Variants in DIS3L2 observed in about 807,000 individuals in gnomAD.
DIS3L2 encodes DIS3-like exonuclease 2.
DIS3L2 carries 34 observed loss-of-function variants against 97.5 expected under a neutral mutation model. The observed-to-expected ratio is 0.35, with a 90% CI of 0.27 to 0.46. DIS3L2 has a LOEUF of 0.46. Ranked by LOEUF, DIS3L2 falls within the 20% of genes least tolerant of loss-of-function variation. The probability of loss-of-function intolerance (pLI) is 1.00; values close to 1 mark genes in which losing one functional copy is unlikely to be tolerated. For synonymous variants in DIS3L2, 435 were observed against 445.2 expected (o/e 0.98, Z 0.29); for missense variants, 1,038 against 1,146.0 (o/e 0.91, Z 1.36).
At chr2:232,262,690 A>C (rs1243359787) in intron 12 of DIS3L2, among the ~76,000 whole-genome samples, 1 of 152,178 alleles carries the variant, frequency 6.6e-6, no homozygotes, top group Non-Finnish European at 1.5e-5. Flanking sequence ...CTGTCTCTAC[A>C]TATGTGCCCC....
At chr2:232,219,182 A>C (rs191584921) in intron 10 of DIS3L2, among the ~76,000 whole-genome samples, 3 of 152,326 alleles carry the variant, frequency 2.0e-5, no homozygotes, top group Admixed American at 1.3e-4. Context: ...TTCTCCTACC[A>C]GCAAGTATTC....
intron 1 of DIS3L2, among the ~76,000 whole-genome samples, chr2:231,990,986 A>G (rs1489053036): frequency 6.7e-6 from 1 of 149,342 alleles, no homozygotes; most frequent in South Asian, 2.1e-4. Flanking sequence ...TTTTTTTTTG[A>G]GCTCTGCCTC....
intron 3 of DIS3L2, among the ~76,000 whole-genome samples, chr2:232,022,681 C>G (rs886422846): frequency 1.3e-5 from 2 of 152,206 alleles, no homozygotes; most frequent in African/African-American, 2.4e-5. Flanking sequence ...GAGTCTCTTC[C>G]CCTCACGAGA....
chr2:232,210,641 G>A (rs1210253753), intron 10 of DIS3L2, among the ~76,000 whole-genome samples: 1 of 152,208 alleles, frequency 6.6e-6, no homozygotes, highest in Non-Finnish European at 1.5e-5. Flanking sequence ...CTCTTCTTGG[G>A]CTTCAGAAGG....
chr2:232,212,027 AT>A (rs1692205093), intron 10 of DIS3L2, among the ~76,000 whole-genome samples: 1 of 152,298 alleles, frequency 6.6e-6, no homozygotes, highest in South Asian at 2.1e-4. Context: ...CTGAGCCTCA[AT>A]ATTTTCAACT....
chr2:232,008,461 T>G (rs1031453125), intron 1 of DIS3L2, among the ~76,000 whole-genome samples: 9 of 152,192 alleles, frequency 5.9e-5, no homozygotes, highest in Non-Finnish European at 1.2e-4. Flanking sequence ...TCTCTTTCAT[T>G]TCTATTCTTT....
chr2:232,050,365 G>A (rs1452157813), intron 5 of DIS3L2, among the ~76,000 whole-genome samples: 1 of 152,006 alleles, frequency 6.6e-6, no homozygotes, highest in Admixed American at 6.6e-5. Flanking sequence ...TCTGCCTTCC[G>A]GGTTCAAGTG....
chr2:232,258,725 C>T (rs1033124078), intron 12 of DIS3L2, among the ~76,000 whole-genome samples: 2 of 152,122 alleles, frequency 1.3e-5, no homozygotes, highest in Admixed American at 6.5e-5. Context: ...TGTCTTCTGC[C>T]ACTGGCTTTG....
At chr2:232,193,843 A>C (rs1452676201) in intron 9 of DIS3L2, among the ~76,000 whole-genome samples, 1 of 152,170 alleles carries the variant, frequency 6.6e-6, no homozygotes, top group Admixed American at 6.5e-5. Flanking sequence ...TAAAGATTCA[A>C]TTCACGGCGA....
intron 14 of DIS3L2, among the ~76,000 whole-genome samples, chr2:232,309,595 C>G (rs1322872058): frequency 6.6e-6 from 1 of 151,900 alleles, no homozygotes; most frequent in Non-Finnish European, 1.5e-5. Flanking sequence ...CCTCCCACCT[C>G]AGCACCCCCA....
intron 5 of DIS3L2, among the ~76,000 whole-genome samples, chr2:232,066,758 A>G (rs11683433): frequency 0.011 from 1,718 of 152,100 alleles, 19 homozygotes; most frequent in Non-Finnish European, 0.016. Flanking sequence ...ATAGAGTGTG[A>G]TGGTTTTAAA....
chr2:232,163,663 A>G (rs780042922), intron 9 of DIS3L2, 31 bp downstream of exon 9: 4 of 1,601,566 alleles, frequency 2.5e-6, no homozygotes, highest in East Asian at 2.2e-5. Flanking sequence ...AAGAACGTAT[A>G]TCTCCCTTTC....
At chr2:232,208,831 C>T (rs1692105322) in intron 9 of DIS3L2, among the ~76,000 whole-genome samples, 1 of 152,008 alleles carries the variant, frequency 6.6e-6, no homozygotes, top group Non-Finnish European at 1.5e-5. Context: ...AGTTTGAGAT[C>T]AGCCTGGGGA....
intron 6 of DIS3L2, among the ~76,000 whole-genome samples, chr2:232,089,215 G>T (rs1295922147): frequency 6.6e-6 from 1 of 152,186 alleles, no homozygotes; most frequent in Non-Finnish European, 1.5e-5. Flanking sequence ...CATTCAGAAT[G>T]ACTTTCCAAC....
intron 5 of DIS3L2, among the ~76,000 whole-genome samples, chr2:232,059,162 T>C (rs1695632160): frequency 6.6e-6 from 1 of 152,222 alleles, no homozygotes; most frequent in African/African-American, 2.4e-5. Context: ...CTGCCCAGGA[T>C]AATTTTCAGA....
intron 5 of DIS3L2, among the ~76,000 whole-genome samples, chr2:232,086,663 G>GTATATATA (rs1559613663): frequency 6.1e-5 from 2 of 32,694 alleles, no homozygotes; most frequent in Non-Finnish European, 1.4e-4. Flanking sequence ...ATATATATGT[G>GTATATATA]TGTGTGTGTG....
In DIS3L2 at chr2:232,329,472, C is replaced by T. The variant is rs1402789693; in HGVS notation, c.1740-341C>T. ...AGCAGAGATCTTTCCTCGGTGCCTTCTCTGGATTGGGTGGGCTGCTGAGCT... is the reference window on the plus strand; with the variant it reads ...AGCAGAGATCTTTCCTCGGTGCCTTTTCTGGATTGGGTGGGCTGCTGAGCT... On this transcript the variant is annotated intron_variant, in intron 14 of 20. Coordinates refer to ENST00000325385, the MANE Select transcript of DIS3L2 (RefSeq NM_152383.5). The T allele has an allele frequency of 2.9e-5, 8 of 273,276 alleles. No homozygotes were observed. In the East Asian group the frequency reaches 5.0e-4, roughly 17 times the overall value. The allele number at this position is 273,276 out of a possible 1,614,324, so 16.9% of individuals were successfully genotyped here. A position where few individuals can be genotyped will look rare whatever the true frequency, so the allele number is the denominator to read the frequency against.
chr2:232,205,582 A>G (rs1349817019), intron 9 of DIS3L2, among the ~76,000 whole-genome samples: 1 of 152,068 alleles, frequency 6.6e-6, no homozygotes, highest in Non-Finnish European at 1.5e-5. Flanking sequence ...AATTACAGCC[A>G]TGAGCCACCG....
At chr2:232,117,785 G>A (rs1697773410) in intron 6 of DIS3L2, among the ~76,000 whole-genome samples, 1 of 152,156 alleles carries the variant, frequency 6.6e-6, no homozygotes, top group African/African-American at 2.4e-5. Flanking sequence ...CACCTAGTTC[G>A]CCATCTCCTG....
Sources: allele counts gnomAD v4.1 joint callset (sites outside exome capture counted in the v4.1 genomes callset), GRCh38; gene constraint gnomAD v4.1.1; transcripts MANE v1.5; gene names NCBI Gene and HGNC (gene_info 2026-07-23, HGNC 2026-07-21).